SRGAP3: variants seen among roughly 807,000 people sequenced by gnomAD.
The protein encoded by SRGAP3 is SLIT-ROBO Rho GTPase-activating protein 3.
In SRGAP3, 39 loss-of-function variants were observed where a neutral mutation model predicts 121.1. The observed-to-expected ratio is 0.32, with a 90% confidence interval of 0.25 to 0.42. The LOEUF (loss-of-function observed/expected upper bound fraction) is 0.42, where lower values mean the gene tolerates loss of function less well. Among genes scored for constraint, SRGAP3 ranks in the 10% least tolerant of loss-of-function variants. The probability of loss-of-function intolerance (pLI) is 1.00; values close to 1 mark genes in which losing one functional copy is unlikely to be tolerated. For missense variants in SRGAP3, 1,213 were observed against 1,470.6 expected (o/e 0.82, Z 2.86); for synonymous variants, 601 against 570.0 (o/e 1.05, Z -0.77).
chr3:9,101,066 T>A (rs1195529461), intron 3 of SRGAP3, among the ~76,000 whole-genome samples: 1 of 152,222 alleles, frequency 6.6e-6, no homozygotes, highest in Admixed American at 6.5e-5. Context: ...TCAGGACCTG[T>A]GAGTGAAAAC....
At chr3:9,286,802 C>A (rs543005990) in intron 3 of SRGAP3, among the ~76,000 whole-genome samples, 185 of 151,638 alleles carry the variant, frequency 1.2e-3, no homozygotes, top group African/African-American at 4.4e-3. Flanking sequence ...CGGGGTCTCA[C>A]TGTGTTAGCC....
chr3:9,285,279 G>C (rs2125267297), intron 3 of SRGAP3, among the ~76,000 whole-genome samples: 1 of 152,278 alleles, frequency 6.6e-6, no homozygotes, highest in Non-Finnish European at 1.5e-5. Context: ...GCGAAGAGAT[G>C]GCCACCATTC....
chr3:9,012,917 C>T (rs1447663143), intron 17 of SRGAP3, among the ~76,000 whole-genome samples: 1 of 152,078 alleles, frequency 6.6e-6, no homozygotes, highest in Non-Finnish European at 1.5e-5. Flanking sequence ...TGCTTGCGAC[C>T]ACCAAGGAAA....
intron 1 of SRGAP3, among the ~76,000 whole-genome samples, chr3:9,243,393 G>T (rs1194888724): frequency 2.0e-5 from 3 of 152,108 alleles, no homozygotes; most frequent in Non-Finnish European, 4.4e-5. Context: ...CCAGCATTTT[G>T]GGAGGCCGAG....
intron 1 of SRGAP3, chr3:9,355,936 T>C (rs538476754): frequency 6.6e-6 from 1 of 152,280 alleles, no homozygotes; most frequent in African/African-American, 2.4e-5. Context: ...ACTCATCCTT[T>C]TATCTGGAAT....
At position 9,152,446 on chromosome 3, in the gene SRGAP3, G is replaced by C. The variant is rs1370482986; in HGVS notation, c.68-27529C>G. Among the ~76,000 whole-genome samples the C allele has an allele frequency of 2.0e-5, 3 of 152,196 alleles. No homozygotes were observed. In the East Asian group the frequency reaches 5.8e-4, roughly 29 times the overall value. On this transcript the variant is annotated intron_variant, in intron 1 of 21. Transcript: ENST00000383836. Reference sequence around the variant, plus strand: ...CTCTAACATTTGAACCAAGACACAAGAGTTGAGGGCAGTTATGATAGGTAC... The same window carrying C: ...CTCTAACATTTGAACCAAGACACAACAGTTGAGGGCAGTTATGATAGGTAC...
chr3:9,281,946 A>G (rs1195973047), intron 3 of SRGAP3, among the ~76,000 whole-genome samples: 1 of 152,156 alleles, frequency 6.6e-6, no homozygotes, highest in Non-Finnish European at 1.5e-5. Flanking sequence ...GACTACAGGC[A>G]TGAGCCACTG....
chr3:9,117,805 A>C (rs1253302157), intron 2 of SRGAP3, among the ~76,000 whole-genome samples: 1 of 152,180 alleles, frequency 6.6e-6, no homozygotes, highest in African/African-American at 2.4e-5. Context: ...AAGAAGTGCT[A>C]GTTTGTGAAA....
chr3:9,243,822 T>TA (rs1442582794), intron 1 of SRGAP3, among the ~76,000 whole-genome samples: 1 of 152,242 alleles, frequency 6.6e-6, no homozygotes. Context: ...CCCAACAGGC[T>TA]AAAACTGTTC....
chr3:9,069,404 G>C (rs1288604109), intron 4 of SRGAP3, among the ~76,000 whole-genome samples: 2 of 152,186 alleles, frequency 1.3e-5, no homozygotes, highest in Non-Finnish European at 2.9e-5. Flanking sequence ...GAGCTCAGCT[G>C]AGGCCAAGTT....
intron 3 of SRGAP3, among the ~76,000 whole-genome samples, chr3:9,303,764 T>C (rs1159262989): frequency 6.6e-6 from 1 of 152,134 alleles, no homozygotes; most frequent in African/African-American, 2.4e-5. Flanking sequence ...GGAAGGCGAT[T>C]TACACTTGAT....
At chr3:9,025,424 C>T in intron 13 of SRGAP3, 86 bp from the exon 14 acceptor site, 1 of 1,362,556 alleles carries the variant, frequency 7.3e-7, no homozygotes, top group Non-Finnish European at 1.0e-6. Flanking sequence ...GTGACTCTCC[C>T]CATTGCTTGT....
chr3:9,203,311 G>C (rs906047605), intron 1 of SRGAP3, among the ~76,000 whole-genome samples: 2 of 152,150 alleles, frequency 1.3e-5, no homozygotes, highest in African/African-American at 2.4e-5. Flanking sequence ...TGCTAACTCT[G>C]CCACTTAGGT....
At chr3:9,333,971 C>T (rs1282662475) in intron 1 of SRGAP3, among the ~76,000 whole-genome samples, 7 of 152,046 alleles carry the variant, frequency 4.6e-5, no homozygotes, top group Non-Finnish European at 8.8e-5. Flanking sequence ...TAGCAATCAC[C>T]TCATAAACAC....
rs1946081600 is a variant in SRGAP3, at chr3:9,060,270, T to C, written c.762A>G (p.Ile254Met). 1 of 1,614,202 alleles carries C rather than the reference T, an allele frequency of 6.2e-7. No homozygotes were observed. The highest frequency in any genetic ancestry group is 8.5e-7 in the Non-Finnish European group (1 of 1,180,030). The change falls in exon 6 of 22, where the codon ATA becomes ATG. Residue 254 changes from isoleucine (I) to methionine (M), a missense_variant. This residue lies in a region of SRGAP3 where 793 missense variants were observed against 1,032.9 expected (regional missense o/e 0.77). Coordinates refer to ENST00000383836, the MANE Select transcript of SRGAP3 (RefSeq NM_014850.4). ...AGACATCATGGATGTAGTATTTGCT[T>C]ATAGCTGCGTTGGTGGCTGCCAGAT... ...LLNLAATNAA[I>M]SKYYIHDVSD...
At chr3:9,356,480 C>T (rs182164161) in intron 1 of SRGAP3, among the ~76,000 whole-genome samples, 251 of 150,730 alleles carry the variant, frequency 1.7e-3, no homozygotes, top group African/African-American at 6.0e-3. Flanking sequence ...TCATGCCATC[C>T]TCCTGCCTCA....
intron 3 of SRGAP3, among the ~76,000 whole-genome samples, chr3:9,258,225 G>T (rs1278888343): frequency 6.6e-6 from 1 of 152,138 alleles, no homozygotes. Flanking sequence ...CGGTTTCTTG[G>T]AGGCGAAAAT....
At chr3:9,170,475 T>A (rs1950937822) in intron 1 of SRGAP3, among the ~76,000 whole-genome samples, 1 of 152,088 alleles carries the variant, frequency 6.6e-6, no homozygotes, top group African/African-American at 2.4e-5. Flanking sequence ...TGACTCACAC[T>A]CTCACACAAC....
chr3:9,184,587 A>G (rs2125127420), intron 1 of SRGAP3, among the ~76,000 whole-genome samples: 1 of 152,304 alleles, frequency 6.6e-6, no homozygotes, highest in South Asian at 2.1e-4. Context: ...ATTATTAGAA[A>G]TGCAGACACA....
Sources: gnomAD v4.1 joint callset for allele counts (sites outside exome capture counted in the v4.1 genomes callset) on GRCh38, gnomAD v4.1.1 for gene constraint, gnomAD v4.1.1 regional missense constraint, MANE v1.5 for transcripts, NCBI Gene and HGNC (gene_info 2026-07-23, HGNC 2026-07-21) for gene names.